The following DEPTOR variants were observed in gnomAD, a reference collection of about 807,000 sequenced individuals.
DEPTOR encodes the protein DEP domain containing MTOR interacting protein.
In DEPTOR, 41 loss-of-function variants were observed where a neutral mutation model predicts 41.6. The ratio of observed to expected loss-of-function variants is 0.98; its 90% CI spans 0.77 to 1.28. The LOEUF is 1.28. Among genes scored for constraint, DEPTOR ranks in the 50% most tolerant of loss-of-function variants. DEPTOR has a pLI of 0.00. For synonymous variants in DEPTOR, 195 were observed against 192.3 expected, an observed-to-expected ratio of 1.01 and a Z score of -0.12; for missense variants, 514 against 527.9, an observed-to-expected ratio of 0.97 and a Z score of 0.26.
chr8:119,980,451 C>CA, intron 4 of DEPTOR, among the ~76,000 whole-genome samples: 1 of 106,588 alleles, frequency 9.4e-6, no homozygotes, highest in South Asian at 3.8e-4. Flanking sequence ...TTTCATTTTT[C>CA]TTTTTTCTTT....
intron 3 of DEPTOR, among the ~76,000 whole-genome samples, chr8:119,952,368 A>G (rs1000376287): frequency 1.3e-5 from 2 of 152,084 alleles, no homozygotes; most frequent in Non-Finnish European, 2.9e-5. Context: ...TCACCTCCAC[A>G]CAGGACACAG....
rs547426008 is a variant in DEPTOR at position 119,920,249 on chromosome 8, T to C, written c.123-8151T>C. On this transcript the variant is annotated intron_variant, in intron 1 of 8. Transcript: ENST00000286234. ...TTCCCACCATGCTGAATACATAATATGCACGAATTAACTTTCACATCAATG... is the reference window on the plus strand; with the variant it reads ...TTCCCACCATGCTGAATACATAATACGCACGAATTAACTTTCACATCAATG... 2.0e-5 allele frequency among the ~76,000 whole-genome samples: 3 copies of C among 152,222 alleles called. No individual in the cohort carries two copies. The South Asian group carries it at 6.2e-4, about 31-fold the overall frequency.
intron 1 of DEPTOR, among the ~76,000 whole-genome samples, chr8:119,896,423 G>A (rs1827520705): frequency 6.6e-6 from 1 of 152,208 alleles, no homozygotes; most frequent in Non-Finnish European, 1.5e-5. Context: ...GTGGCGGTCA[G>A]AGGCGGAGAT....
At chr8:119,968,737 T>C (rs1266548394) in intron 4 of DEPTOR, among the ~76,000 whole-genome samples, 1 of 152,170 alleles carries the variant, frequency 6.6e-6, no homozygotes, top group East Asian at 1.9e-4. Context: ...CAGGTAGTAA[T>C]GTCCAAATGG....
At chr8:119,958,783 A>C (rs1275426441) in intron 3 of DEPTOR, among the ~76,000 whole-genome samples, 2 of 152,012 alleles carry the variant, frequency 1.3e-5, no homozygotes, top group African/African-American at 4.8e-5. Flanking sequence ...CTCTATCTCA[A>C]AGAAAAAAAG....
intron 1 of DEPTOR, among the ~76,000 whole-genome samples, chr8:119,879,266 T>C (rs1002474167): frequency 6.2e-4 from 94 of 152,344 alleles, no homozygotes; most frequent in African/African-American, 2.1e-3. Flanking sequence ...ACAGCCCCTT[T>C]GGAAAAATAT....
Position 120,006,834 on chromosome 8 carries a change from C to T in DEPTOR, c.955C>T (p.Leu319Phe), listed in dbSNP as rs769323287. ...VLKRPVTSEELLTPGAPYARK... is the reference protein window; with the variant it reads ...VLKRPVTSEEFLTPGAPYARK... ...GAAGAGACCTGTCACCTCTGAGGAA[C>T]TCCTTACTCCCGGGGCTCCGTATGC... Residue 319 changes from leucine (L) to phenylalanine (F), a missense_variant, in exon 7 of 9, where the codon CTC becomes TTC. Leu to Phe is a conservative substitution (Grantham distance 22, BLOSUM62 0). Transcript: ENST00000286234. 2.5e-6 allele frequency: 4 copies of T among 1,614,186 alleles called. No individual in the cohort carries two copies. Among genetic ancestry groups the T allele is most frequent in the South Asian group, 1.1e-5 (1 of 91,080 alleles).
intron 3 of DEPTOR, among the ~76,000 whole-genome samples, chr8:119,957,578 T>TC (rs896522171): frequency 3.2e-4 from 48 of 150,640 alleles, no homozygotes; most frequent in South Asian, 4.2e-4. Flanking sequence ...TCTATTTTTT[T>TC]TTTCTTTCTT....
At chr8:119,955,390 T>G (rs540349510) in intron 3 of DEPTOR, among the ~76,000 whole-genome samples, 10 of 152,326 alleles carry the variant, frequency 6.6e-5, no homozygotes, top group African/African-American at 2.4e-4. Context: ...CTACTTACGT[T>G]TTCTTTCAAA....
intron 1 of DEPTOR, among the ~76,000 whole-genome samples, chr8:119,891,670 T>C (rs1033523588): frequency 1.3e-5 from 2 of 152,122 alleles, no homozygotes; most frequent in Admixed American, 6.6e-5. Context: ...AGTAATAAAG[T>C]AAAATAGAGC....
intron 3 of DEPTOR, among the ~76,000 whole-genome samples, chr8:119,956,867 T>C (rs554870196): frequency 6.6e-6 from 1 of 151,922 alleles, no homozygotes; most frequent in Non-Finnish European, 1.5e-5. Flanking sequence ...CCCAAGCAGC[T>C]GGGATTATAG....
At chr8:119,896,729 C>T (rs975234034) in intron 1 of DEPTOR, among the ~76,000 whole-genome samples, 2 of 152,018 alleles carry the variant, frequency 1.3e-5, no homozygotes, top group Non-Finnish European at 2.9e-5. Flanking sequence ...AACTCCTGAC[C>T]TCATGCAATC....
At chr8:119,947,675 G>A (rs1453398994) in intron 3 of DEPTOR, among the ~76,000 whole-genome samples, 2 of 152,166 alleles carry the variant, frequency 1.3e-5, no homozygotes, top group Non-Finnish European at 2.9e-5. Context: ...GCACAGGGCG[G>A]CGTATCCAGT....
Position 119,902,530 on chromosome 8 carries a change from C to A in DEPTOR, c.123-25870C>A, listed in dbSNP as rs11987628. Among the ~76,000 whole-genome samples, 7 of 151,752 alleles carry A rather than the reference C, an allele frequency of 4.6e-5. No homozygotes were observed. The East Asian group carries it at 9.7e-4, about 21-fold the overall frequency. Reference sequence around the variant, plus strand: ...AATTTTGTATTTTTAGTAGAGATGGCGTTTTACTATGTTGGCCAGGCTGGT... The same window carrying A: ...AATTTTGTATTTTTAGTAGAGATGGAGTTTTACTATGTTGGCCAGGCTGGT... On this transcript the variant is annotated intron_variant, in intron 1 of 8. Transcript: ENST00000286234.
At chr8:119,953,957 A>G (rs1828386187) in intron 3 of DEPTOR, among the ~76,000 whole-genome samples, 1 of 151,764 alleles carries the variant, frequency 6.6e-6, no homozygotes, top group Admixed American at 6.6e-5. Flanking sequence ...GGTGCCCACC[A>G]CCACGCCCGG....
chr8:120,026,954 C>T (rs1349522147), intron 8 of DEPTOR, among the ~76,000 whole-genome samples: 6 of 152,102 alleles, frequency 3.9e-5, no homozygotes, highest in Non-Finnish European at 8.8e-5. Context: ...TGTGGTGGCT[C>T]ACGCCTATAA....
intron 1 of DEPTOR, among the ~76,000 whole-genome samples, chr8:119,914,441 C>CTT (rs11435363): frequency 6.7e-6 from 1 of 149,652 alleles, no homozygotes; most frequent in Non-Finnish European, 1.5e-5. Flanking sequence ...TCACCCAAGC[C>CTT]TTTTTTTTTC....
At chr8:119,882,091 A>G (rs1274525236) in intron 1 of DEPTOR, among the ~76,000 whole-genome samples, 1 of 152,076 alleles carries the variant, frequency 6.6e-6, no homozygotes, top group Non-Finnish European at 1.5e-5. Context: ...AGGTTTCTCC[A>G]CGTTGGCCAG....
intron 1 of DEPTOR, among the ~76,000 whole-genome samples, chr8:119,904,137 A>G (rs1217316015): frequency 6.8e-6 from 1 of 147,828 alleles, no homozygotes; most frequent in African/African-American, 2.5e-5. Flanking sequence ...TTTTTTTTTG[A>G]GATGGAGTCT....
Sources: gnomAD v4.1 joint callset for allele counts (sites outside exome capture counted in the v4.1 genomes callset) on GRCh38, gnomAD v4.1.1 for gene constraint, MANE v1.5 for transcripts, NCBI Gene and HGNC (gene_info 2026-07-23, HGNC 2026-07-21) for gene names.